Variants in MARCHF1 observed in about 807,000 individuals in gnomAD.
The protein encoded by MARCHF1 is E3 ubiquitin-protein ligase MARCHF1.
MARCHF1 carries 40 observed loss-of-function variants against 54.2 expected under a neutral mutation model. The observed-to-expected ratio is 0.74, with a 90% CI of 0.57 to 0.96. The LOEUF (loss-of-function observed/expected upper bound fraction) is 0.96, where lower values mean the gene tolerates loss of function less well. Among genes scored for constraint, MARCHF1 ranks in the 40% least tolerant of loss-of-function variants. The pLI, the probability that MARCHF1 is intolerant of heterozygous loss-of-function variation, is 0.00. For synonymous variants in MARCHF1, 236 were observed against 236.3 expected (o/e 1.00, Z 0.01); for missense variants, 586 against 656.5 (o/e 0.89, Z 1.17).
chr4:164,067,321 G>A (rs188038556), intron 2 of MARCHF1, among the ~76,000 whole-genome samples: 1 of 152,214 alleles, frequency 6.6e-6, no homozygotes, highest in East Asian at 1.9e-4. Flanking sequence ...CACACTACCT[G>A]ACTTTAAACT....
chr4:164,126,794 T>C (rs931904124), intron 1 of MARCHF1, among the ~76,000 whole-genome samples: 10 of 152,174 alleles, frequency 6.6e-5, no homozygotes, highest in African/African-American at 1.4e-4. Context: ...CAGTGGCTCA[T>C]GCCTGTAATC....
chr4:163,692,850 A>T (rs974351461), intron 5 of MARCHF1, among the ~76,000 whole-genome samples: 3 of 151,398 alleles, frequency 2.0e-5, no homozygotes, highest in African/African-American at 7.3e-5. Flanking sequence ...GCACTAACTG[A>T]AGCTGTTGTG....
intron 5 of MARCHF1, among the ~76,000 whole-genome samples, chr4:163,627,838 A>AT (rs1259873504): frequency 4.6e-5 from 6 of 131,300 alleles, no homozygotes; most frequent in Non-Finnish European, 1.1e-4. Flanking sequence ...GGAAAGGAAT[A>AT]TGTTTTTTTT....
intron 4 of MARCHF1, among the ~76,000 whole-genome samples, chr4:163,721,610 G>T (rs1745463064): frequency 1.3e-5 from 2 of 152,112 alleles, no homozygotes; most frequent in African/African-American, 4.8e-5. Context: ...AATGGTACCA[G>T]CTCCTCCTTG....
intron 3 of MARCHF1, among the ~76,000 whole-genome samples, chr4:163,940,928 C>T (rs1227461025): frequency 6.6e-6 from 1 of 151,972 alleles, no homozygotes; most frequent in Admixed American, 6.6e-5. Context: ...TACTTGTTTT[C>T]ATAATGTTTG....
chr4:163,873,606 T>C (rs974594406), intron 3 of MARCHF1, among the ~76,000 whole-genome samples: 4 of 152,188 alleles, frequency 2.6e-5, no homozygotes, highest in Admixed American at 6.5e-5. Context: ...CATCTGAGTT[T>C]AGTGGCTTGG....
intron 3 of MARCHF1, among the ~76,000 whole-genome samples, chr4:163,857,923 T>A (rs889783171): frequency 6.6e-6 from 1 of 152,170 alleles, no homozygotes; most frequent in South Asian, 2.1e-4. Flanking sequence ...AGCAGTATAC[T>A]GAGCACTATG....
chr4:163,612,741 T>A lies in MARCHF1; in HGVS notation c.540A>T (p.Lys180Asn). ...WIQAKRRAQV[K>N]FRLSRRRRRN... ...TCCTCCTTCTTCTTGACAGTCTGAA[T>A]TTAACCTGGGCTCTTCTTTTTGCCT... is the stretch of plus-strand genomic sequence containing the variant. Residue 180 changes from lysine to asparagine, a missense_variant, in exon 7 of 10, where the codon AAA (lysine) becomes AAT (asparagine). This residue lies in a region of MARCHF1 where 387 missense variants were observed against 394.6 expected (regional missense o/e 0.98). Coordinates refer to ENST00000514618, the MANE Select transcript of MARCHF1 (RefSeq NM_001394959.1). 6.5e-7 allele frequency: 1 copy of A among 1,535,566 alleles called. No individual in the cohort carries two copies. Among genetic ancestry groups the A allele is most frequent in the Non-Finnish European group, 8.7e-7 (1 of 1,146,538 alleles).
Position 163,528,584 on chromosome 4 carries a change from C to CTGTT in MARCHF1, c.*160_*163dup, listed in dbSNP as rs3080960. On this transcript the variant is annotated 3_prime_UTR_variant, in exon 10 of 10. Coordinates refer to ENST00000514618, the MANE Select transcript of MARCHF1 (RefSeq NM_001394959.1). ...CTTCATGGGCTCCTGGGCATTTGGT[C>CTGTT]TGTTTGTTTTTCTCCTTTCCTCTTT... 87,635 of 649,178 alleles carry CTGTT rather than the reference C, an allele frequency of 0.13. 6,488 individuals are homozygous for CTGTT. The highest frequency in any genetic ancestry group is 0.21 in the African/African-American group (11,223 of 54,432). 40.2% of individuals were successfully genotyped at this position (649,178 alleles called of 1,614,324 possible). A position where few individuals can be genotyped will look rare whatever the true frequency, so the allele number is the denominator to read the frequency against.
intron 2 of MARCHF1, among the ~76,000 whole-genome samples, chr4:164,083,572 T>C (rs776861203): frequency 1.3e-5 from 2 of 152,092 alleles, no homozygotes; most frequent in East Asian, 1.9e-4. Flanking sequence ...GTAGATGCAA[T>C]AGCTGGAAAG....
At chr4:163,550,057 C>A (rs994194485) in intron 8 of MARCHF1, among the ~76,000 whole-genome samples, 2 of 152,028 alleles carry the variant, frequency 1.3e-5, no homozygotes, top group African/African-American at 4.8e-5. Flanking sequence ...CCAAGGCGGG[C>A]GGATTGCCTG....
chr4:163,805,710 TA>T, intron 4 of MARCHF1, among the ~76,000 whole-genome samples: 1 of 152,188 alleles, frequency 6.6e-6, no homozygotes, highest in Non-Finnish European at 1.5e-5. Flanking sequence ...ATTGCCTCTT[TA>T]AAAATGCAGA....
intron 3 of MARCHF1, among the ~76,000 whole-genome samples, chr4:163,899,590 A>T (rs969955662): frequency 2.0e-5 from 3 of 152,046 alleles, no homozygotes; most frequent in African/African-American, 7.2e-5. Flanking sequence ...CAACAGTCTC[A>T]TTGCTTTAAC....
chr4:163,724,100 C>G (rs934498336), intron 4 of MARCHF1, among the ~76,000 whole-genome samples: 5 of 152,342 alleles, frequency 3.3e-5, no homozygotes, highest in African/African-American at 1.2e-4. Context: ...GAGAGGTACT[C>G]TAATTTTTAG....
At chr4:163,845,542 C>T (rs1159389170) in intron 4 of MARCHF1, among the ~76,000 whole-genome samples, 9 of 151,672 alleles carry the variant, frequency 5.9e-5, no homozygotes, top group Non-Finnish European at 1.0e-4. Context: ...CCCACTGATC[C>T]TCTGAAAATG....
chr4:164,354,947 A>G (rs1269017698), intron 1 of MARCHF1, among the ~76,000 whole-genome samples: 1 of 135,416 alleles, frequency 7.4e-6, no homozygotes, highest in Non-Finnish European at 1.6e-5. Flanking sequence ...TACAAAAATC[A>G]CAAGCATTCT....
At chr4:164,302,378 T>C (rs1375125230) in intron 1 of MARCHF1, among the ~76,000 whole-genome samples, 1 of 152,134 alleles carries the variant, frequency 6.6e-6, no homozygotes, top group Non-Finnish European at 1.5e-5. Flanking sequence ...TTTTAACATG[T>C]CTTGATTTAA....
rs1738071740 is a variant in MARCHF1 at position 163,525,518 on chromosome 4, C to G, written c.*3230G>C. On this transcript the variant is annotated 3_prime_UTR_variant, in exon 10 of 10. Coordinates refer to ENST00000514618, the MANE Select transcript of MARCHF1 (RefSeq NM_001394959.1). ...TGTTTTTGTACTTAAGCTTAATTGC[C>G]TTTTGGGCTTTACTTTTTAAAAAAT... 1 of 151,920 alleles carries G rather than the reference C, an allele frequency of 6.6e-6. No individual in the cohort carries two copies. The highest frequency in any genetic ancestry group is 1.5e-5 in the Non-Finnish European group (1 of 67,962). The allele number at this position is 151,920 out of a possible 1,614,324, so 9.4% of individuals were successfully genotyped here. A position where few individuals can be genotyped will look rare whatever the true frequency, so the allele number is the denominator to read the frequency against.
chr4:164,148,411 GCCATGTTCTCTTAATTTTTTTTT>G (rs2110897529), intron 1 of MARCHF1, among the ~76,000 whole-genome samples: 1 of 152,110 alleles, frequency 6.6e-6, no homozygotes, highest in East Asian at 1.9e-4. Context: ...ATGATGGCCA[GCCATGTTCTCTTAATTTTTTTTT>G]CCATGTTCTC....
Sources: allele counts gnomAD v4.1 joint callset (sites outside exome capture counted in the v4.1 genomes callset), GRCh38; gene constraint gnomAD v4.1.1; regional missense constraint gnomAD v4.1.1; transcripts MANE v1.5; gene names NCBI Gene and HGNC (gene_info 2026-07-23, HGNC 2026-07-21).